The following LRRC59 variants were observed in gnomAD, a reference collection of about 807,000 sequenced individuals.
LRRC59 encodes leucine-rich repeat-containing protein 59.
LRRC59 carries 18 observed loss-of-function variants against 33.5 expected under a neutral mutation model. The observed-to-expected ratio is 0.54, with a 90% confidence interval of 0.37 to 0.80. LRRC59 has a LOEUF of 0.80. Among genes scored for constraint, LRRC59 ranks in the 30% least tolerant of loss-of-function variants. LRRC59 has a pLI of 0.00. For missense variants in LRRC59, 330 were observed against 391.9 expected (o/e 0.84, Z 1.33); for synonymous variants, 138 against 160.0 (o/e 0.86, Z 1.04).
chr17:50,389,373 C>T (rs762640990), intron 4 of LRRC59, among the ~76,000 whole-genome samples: 1 of 152,068 alleles, frequency 6.6e-6, no homozygotes, highest in Non-Finnish European at 1.5e-5. Flanking sequence ...AAGCTTGGAG[C>T]CCAACGCAAT....
intron 5 of LRRC59, among the ~76,000 whole-genome samples, chr17:50,386,958 T>C (rs1167835167): frequency 6.6e-6 from 1 of 152,098 alleles, no homozygotes; most frequent in African/African-American, 2.4e-5. Flanking sequence ...ACAATGACAG[T>C]GATCTGTGCC....
chr17:50,397,050 A>G, intron 1 of LRRC59, 163 bp downstream of exon 1: 1 of 484,754 alleles, frequency 2.1e-6, no homozygotes. Flanking sequence ...CCCGGGAAGA[A>G]CCTTGGGCTG....
At position 50,382,970 on chromosome 17, in the gene LRRC59, C is replaced by T. The variant is rs1913903773; in HGVS notation, c.*18G>A. ...TCCAAACTCCAAGGCTGGGAGGCAG[C>T]AGGTGCTGGGGACAAGCTCACTGCT... On this transcript the variant is annotated 3_prime_UTR_variant, in exon 7 of 7. Coordinates refer to ENST00000225972, the MANE Select transcript of LRRC59 (RefSeq NM_018509.4). 1.9e-6 allele frequency: 3 copies of T among 1,605,682 alleles called. No homozygotes were observed. The East Asian group carries it at 6.7e-5, about 36-fold the overall frequency.
At chr17:50,388,700 TAA>T (rs1914071363) in intron 4 of LRRC59, among the ~76,000 whole-genome samples, 2 of 152,168 alleles carry the variant, frequency 1.3e-5, no homozygotes, top group Non-Finnish European at 2.9e-5. Flanking sequence ...CTCGAATCTG[TAA>T]AAAGTTCTGC....
intron 2 of LRRC59, among the ~76,000 whole-genome samples, chr17:50,393,165 A>T (rs189332988): frequency 9.2e-5 from 14 of 152,342 alleles, no homozygotes; most frequent in Admixed American, 5.2e-4. Flanking sequence ...CTCAAGTCAG[A>T]GGTACCCCAT....
rs868719870 is a variant in LRRC59, at chr17:50,382,551, G to C, written c.*437C>G. 2 of 173,418 alleles carry C rather than the reference G, an allele frequency of 1.2e-5. No homozygotes were observed. The highest frequency in any genetic ancestry group is 4.8e-5 in the African/African-American group (2 of 41,906). 10.7% of individuals were successfully genotyped at this position (173,418 alleles called of 1,614,324 possible). A position where few individuals can be genotyped will look rare whatever the true frequency, so the allele number is the denominator to read the frequency against. On this transcript the variant is annotated 3_prime_UTR_variant, in exon 7 of 7. Coordinates refer to ENST00000225972, the MANE Select transcript of LRRC59 (RefSeq NM_018509.4). ...CCAGTTTAGACTGGATTTACTGAGC[G>C]TGGTGTTCTAGTCCCCCCCAGTTCC...
At chr17:50,394,407 T>C (rs932425600) in intron 2 of LRRC59, among the ~76,000 whole-genome samples, 4 of 152,202 alleles carry the variant, frequency 2.6e-5, no homozygotes, top group Non-Finnish European at 4.4e-5. Context: ...TGATCATGGA[T>C]TGAATGTGCT....
At chr17:50,397,190 G>A in intron 1 of LRRC59, 23 bp downstream of exon 1, 1 of 1,524,046 alleles carries the variant, frequency 6.6e-7, no homozygotes, top group South Asian at 1.2e-5. Context: ...GTGGGCGCCT[G>A]GGCCTCGCGG....
Position 50,397,486 on chromosome 17 carries a change from C to G in LRRC59, c.-169G>C. ...GCTGGCCGCACTCCGAGCCTCGCGC[C>G]TAGCTCCCACCGGTGCCGCGACGAC... is the stretch of plus-strand genomic sequence containing the variant. On this transcript the variant is annotated 5_prime_UTR_variant, in exon 1 of 7. Transcript: ENST00000225972. The G allele has an allele frequency of 3.9e-6, 2 of 516,998 alleles. No individual in the cohort carries two copies. The highest frequency in any genetic ancestry group is 3.5e-5 in the East Asian group (1 of 28,764). The allele number at this position is 516,998 out of a possible 1,614,324, so 32.0% of individuals were successfully genotyped here.
rs777761590 is a variant in LRRC59 at position 50,392,896 on chromosome 17, G to A, written c.167C>T (p.Ser56Leu). The A allele has an allele frequency of 2.4e-5, 38 of 1,612,272 alleles. No homozygotes were observed. Among genetic ancestry groups the A allele is most frequent in the South Asian group, 1.6e-4 (15 of 91,022 alleles). ...CAGGTGTGTGAGGCCACAGAAATCC[G>A]ACTAGGATCCAAAGAGAGAACCTAA... Reference protein sequence around the residue: ...LSCNKLTTLPSDFCGLTHLVK... With the variant: ...LSCNKLTTLPLDFCGLTHLVK... Residue 56 changes from serine to leucine, a missense_variant and splice_region_variant, in exon 3 of 7, where the codon TCG (serine) becomes TTG (leucine). Coordinates refer to ENST00000225972, the MANE Select transcript of LRRC59 (RefSeq NM_018509.4).
intron 4 of LRRC59, among the ~76,000 whole-genome samples, chr17:50,391,344 AATG>A (rs1266582485): frequency 2.0e-5 from 3 of 152,244 alleles, no homozygotes; most frequent in Admixed American, 6.5e-5. Flanking sequence ...GCCCTGAGCT[AATG>A]ATAAGAAGTA....
At chr17:50,392,598 T>C in intron 3 of LRRC59, 96 bp from the exon 4 acceptor site, 2 of 1,449,706 alleles carry the variant, frequency 1.4e-6, no homozygotes, top group Non-Finnish European at 1.9e-6. Context: ...AGAATGCCCC[T>C]CTGTGTTCCA....
rs1913903831 is a variant in LRRC59, at chr17:50,382,971, A to G, written c.*17T>C. Reference sequence around the variant, plus strand: ...CCAAACTCCAAGGCTGGGAGGCAGCAGGTGCTGGGGACAAGCTCACTGCTG... The same window carrying G: ...CCAAACTCCAAGGCTGGGAGGCAGCGGGTGCTGGGGACAAGCTCACTGCTG... On this transcript the variant is annotated 3_prime_UTR_variant, in exon 7 of 7. Coordinates refer to ENST00000225972, the MANE Select transcript of LRRC59 (RefSeq NM_018509.4). 6.2e-7 allele frequency: 1 copy of G among 1,606,278 alleles called. No homozygotes were observed. Among genetic ancestry groups the G allele is most frequent in the Non-Finnish European group, 8.5e-7 (1 of 1,175,104 alleles).
chr17:50,387,466 A>C (rs1340220861), intron 5 of LRRC59, among the ~76,000 whole-genome samples: 1 of 152,218 alleles, frequency 6.6e-6, no homozygotes, highest in Non-Finnish European at 1.5e-5. Flanking sequence ...ATGCCATTAG[A>C]GGGTTTTAAG....
In LRRC59 at chr17:50,382,733, C is replaced by A. The variant is rs912122257; in HGVS notation, c.*255G>T. On this transcript the variant is annotated 3_prime_UTR_variant, in exon 7 of 7. Transcript: ENST00000225972. ...GGCTATGTTTTCTCTCTCCCCACCC[C>A]CAAGCCTACTCCTTTAGGCATGCAG... The A allele has an allele frequency of 3.8e-6, 2 of 528,046 alleles. No individual in the cohort carries two copies. Among genetic ancestry groups the A allele is most frequent in the African/African-American group, 1.9e-5 (1 of 52,688 alleles). 32.7% of individuals were successfully genotyped at this position (528,046 alleles called of 1,614,324 possible). A position where few individuals can be genotyped will look rare whatever the true frequency, so the allele number is the denominator to read the frequency against.
In LRRC59 at chr17:50,382,978, G is replaced by A; in HGVS notation, c.*10C>T. On this transcript the variant is annotated 3_prime_UTR_variant, in exon 7 of 7. Transcript: ENST00000225972. ...CCAAGGCTGGGAGGCAGCAGGTGCT[G>A]GGGACAAGCTCACTGCTGAGAGTCG... is the stretch of plus-strand genomic sequence containing the variant. 1 of 1,609,438 alleles carries A rather than the reference G, an allele frequency of 6.2e-7. No homozygotes were observed. The highest frequency in any genetic ancestry group is 1.1e-5 in the South Asian group (1 of 90,812).
chr17:50,392,704 C>T (rs747915208), intron 3 of LRRC59, 35 bp downstream of exon 3: 1 of 1,607,692 alleles, frequency 6.2e-7, no homozygotes, highest in Non-Finnish European at 8.5e-7. Context: ...TTCTCTGCCA[C>T]CCTGGCCATG....
chr17:50,387,998 A>T (rs992407053), intron 5 of LRRC59, 62 bp downstream of exon 5: 20 of 1,524,666 alleles, frequency 1.3e-5, no homozygotes, highest in Non-Finnish European at 1.8e-5. Flanking sequence ...CTCCTGAAGC[A>T]TGAGAATCCA....
intron 4 of LRRC59, among the ~76,000 whole-genome samples, chr17:50,391,781 G>GC (rs1217226652): frequency 1.3e-5 from 2 of 152,192 alleles, no homozygotes; most frequent in Admixed American, 6.5e-5. Flanking sequence ...AAAGGCCACA[G>GC]CCCCTAACCC....
Sources: allele counts gnomAD v4.1 joint callset (sites outside exome capture counted in the v4.1 genomes callset), GRCh38; gene constraint gnomAD v4.1.1; transcripts MANE v1.5; gene names NCBI Gene and HGNC (gene_info 2026-07-23, HGNC 2026-07-21).